Variants in MAML2 observed in about 807,000 individuals in gnomAD.
The protein encoded by MAML2 is mastermind like transcriptional coactivator 2.
In MAML2, 22 loss-of-function variants were observed where a neutral mutation model predicts 96.1. The ratio of observed to expected loss-of-function variants is 0.23; its 90% CI spans 0.16 to 0.33. MAML2 has a LOEUF of 0.33. Among genes scored for constraint, MAML2 ranks in the 10% least tolerant of loss-of-function variants. The probability of loss-of-function intolerance (pLI) is 1.00; values close to 1 mark genes in which losing one functional copy is unlikely to be tolerated. For missense variants in MAML2, 1,367 were observed against 1,392.4 expected, an observed-to-expected ratio of 0.98 and a Z score of 0.29; for synonymous variants, 561 against 521.3, an observed-to-expected ratio of 1.08 and a Z score of -1.04.
chr11:96,269,409 G>A (rs1862881721), intron 1 of MAML2, among the ~76,000 whole-genome samples: 1 of 144,732 alleles, frequency 6.9e-6, no homozygotes, highest in African/African-American at 2.7e-5. Context: ...TTACTGAAGG[G>A]ACCAAGGCTA....
intron 1 of MAML2, among the ~76,000 whole-genome samples, chr11:96,161,795 C>T (rs1454620826): frequency 2.0e-5 from 3 of 152,212 alleles, no homozygotes; most frequent in Non-Finnish European, 2.9e-5. Context: ...AGATATATCT[C>T]CCAGTTTGCC....
intron 3 of MAML2, among the ~76,000 whole-genome samples, chr11:95,990,800 C>T (rs1340096236): frequency 6.6e-6 from 1 of 152,032 alleles, no homozygotes. Flanking sequence ...GAGATGCTTA[C>T]TTTTTATTTC....
chr11:96,190,203 G>A (rs1861633791), intron 1 of MAML2, among the ~76,000 whole-genome samples: 1 of 152,116 alleles, frequency 6.6e-6, no homozygotes, highest in Non-Finnish European at 1.5e-5. Context: ...GATTGATGGT[G>A]GATATACATG....
chr11:96,141,076 T>C (rs957312613), intron 1 of MAML2, among the ~76,000 whole-genome samples: 6 of 152,158 alleles, frequency 3.9e-5, no homozygotes, highest in Admixed American at 2.6e-4. Context: ...TGACCATATC[T>C]TTATTGTTAG....
chr11:96,126,912 G>A (rs571663975), intron 1 of MAML2, among the ~76,000 whole-genome samples: 3,867 of 152,102 alleles, frequency 0.025, 154 homozygotes, highest in African/African-American at 0.087. Flanking sequence ...ACATGGGGGG[G>A]GTCAAATGGT....
chr11:96,103,100 A>T (rs1015962480), intron 1 of MAML2, among the ~76,000 whole-genome samples: 1 of 151,690 alleles, frequency 6.6e-6, no homozygotes, highest in Non-Finnish European at 1.5e-5. Flanking sequence ...TTTCCCTCAT[A>T]TTTTTTCTCC....
intron 1 of MAML2, among the ~76,000 whole-genome samples, chr11:96,205,441 G>A (rs1215985258): frequency 6.6e-6 from 1 of 152,102 alleles, no homozygotes; most frequent in Non-Finnish European, 1.5e-5. Context: ...CTGCACTTGG[G>A]GTACAAATAT....
intron 1 of MAML2, among the ~76,000 whole-genome samples, chr11:96,166,215 A>ACACACACCCC (rs1372110272): frequency 1.4e-5 from 2 of 145,274 alleles, no homozygotes; most frequent in African/African-American, 2.6e-5. Flanking sequence ...ACACACACAC[A>ACACACACCCC]CCCCACATTA....
chr11:96,296,311 C>T (rs1863298049), intron 1 of MAML2, among the ~76,000 whole-genome samples: 1 of 152,058 alleles, frequency 6.6e-6, no homozygotes, highest in African/African-American at 2.4e-5. Context: ...GCCTAAATTC[C>T]AGAGGAAAAG....
intron 1 of MAML2, among the ~76,000 whole-genome samples, chr11:96,193,091 G>A (rs750963335): frequency 2.6e-5 from 4 of 152,186 alleles, no homozygotes; most frequent in Admixed American, 1.3e-4. Flanking sequence ...TGTTGGGGCC[G>A]GGTGCGGTGG....
chr11:96,050,243 A>C (rs531985017), intron 2 of MAML2, among the ~76,000 whole-genome samples: 1 of 152,250 alleles, frequency 6.6e-6, no homozygotes, highest in Admixed American at 6.5e-5. Flanking sequence ...AGTCAACTAC[A>C]CTTGAGTTCT....
chr11:96,164,597 A>C (rs1265820858), intron 1 of MAML2, among the ~76,000 whole-genome samples: 1 of 152,238 alleles, frequency 6.6e-6, no homozygotes, highest in Middle Eastern at 3.2e-3. Context: ...ATTGTGCCAA[A>C]GCCCCAAACT....
At chr11:95,982,952 T>C (rs1857765105) in intron 4 of MAML2, among the ~76,000 whole-genome samples, 1 of 152,222 alleles carries the variant, frequency 6.6e-6, no homozygotes, top group Admixed American at 6.5e-5. Context: ...TACACATATG[T>C]AACATTTTTT....
chr11:96,206,697 A>G (rs1861901114), intron 1 of MAML2, among the ~76,000 whole-genome samples: 1 of 152,206 alleles, frequency 6.6e-6, no homozygotes, highest in Non-Finnish European at 1.5e-5. Flanking sequence ...AAGAGTACAG[A>G]TGTTTTCTTC....
chr11:96,152,402 G>A (rs1024314349), intron 1 of MAML2, among the ~76,000 whole-genome samples: 1 of 113,626 alleles, frequency 8.8e-6, no homozygotes, highest in African/African-American at 2.8e-5. Flanking sequence ...AGAGAAGATA[G>A]AACACCAGTT....
intron 1 of MAML2, among the ~76,000 whole-genome samples, chr11:96,248,353 C>T (rs193247923): frequency 4.6e-5 from 7 of 152,084 alleles, no homozygotes; most frequent in African/African-American, 1.2e-4. Flanking sequence ...CTCAAGTGAT[C>T]CATCCACCTT....
intron 1 of MAML2, among the ~76,000 whole-genome samples, chr11:96,290,642 T>G (rs1177348837): frequency 6.6e-6 from 1 of 152,212 alleles, no homozygotes; most frequent in Non-Finnish European, 1.5e-5. Flanking sequence ...GTAAGTAAAT[T>G]TTAAGATATT....
At chr11:96,044,160 C>T (rs896014516) in intron 2 of MAML2, among the ~76,000 whole-genome samples, 6 of 152,184 alleles carry the variant, frequency 3.9e-5, no homozygotes, top group African/African-American at 1.4e-4. Context: ...GGAACAAGAA[C>T]AGGGCCCGAA....
chr11:96,264,195 C>T (rs368472262), intron 1 of MAML2, among the ~76,000 whole-genome samples: 3 of 152,260 alleles, frequency 2.0e-5, no homozygotes, highest in East Asian at 1.9e-4. Flanking sequence ...GTTACAGGTC[C>T]GTAACTTTTG....
Sources: allele counts gnomAD v4.1 joint callset (sites outside exome capture counted in the v4.1 genomes callset), GRCh38; gene constraint gnomAD v4.1.1; transcripts MANE v1.5; gene names NCBI Gene and HGNC (gene_info 2026-07-23, HGNC 2026-07-21).